Variants in TNFSF4 observed in about 807,000 individuals in gnomAD.
The protein encoded by TNFSF4 is TNF superfamily member 4.
A neutral mutation model predicts 7.3 loss-of-function variants in TNFSF4; 4 were observed. The ratio of observed to expected loss-of-function variants is 0.55; its 90% CI spans 0.27 to 1.25. TNFSF4 has a LOEUF of 1.25. TNFSF4 is among the 50% of genes most tolerant of loss of function. The probability of loss-of-function intolerance (pLI) is 0.12; values close to 1 mark genes in which losing one functional copy is unlikely to be tolerated. For missense variants in TNFSF4, 181 were observed against 208.8 expected (o/e 0.87, Z 0.82); for synonymous variants, 76 against 83.7 (o/e 0.91, Z 0.50).
chr1:173,217,730 C>T, the TNFSF4 span, among the ~76,000 whole-genome samples: 4 of 152,082 alleles, frequency 2.6e-5, no homozygotes, highest in African/African-American at 9.7e-5. Context: ...TTATCTGTTT[C>T]TTTCAATTTT....
the TNFSF4 span, among the ~76,000 whole-genome samples, chr1:173,308,285 C>CTCTCTGTG: frequency 0.038 from 5,070 of 134,858 alleles, 144 homozygotes; most frequent in Non-Finnish European, 0.056. Flanking sequence ...CTCTCTCTCT[C>CTCTCTGTG]TGTGTGTGTG....
At chr1:173,210,625 C>A, upstream of TNFSF4, among the ~76,000 whole-genome samples, 1 of 151,836 alleles carries the variant, frequency 6.6e-6, no homozygotes, top group Middle Eastern at 3.2e-3. Context: ...AGGTTTGAAG[C>A]AGAATGTGAT....
chr1:173,440,625 T>C, the TNFSF4 span: 1 of 152,184 alleles, frequency 6.6e-6, no homozygotes, highest in Admixed American at 6.5e-5. Context: ...CCTTTCTTAT[T>C]CATATAAGAA....
the TNFSF4 span, among the ~76,000 whole-genome samples, chr1:173,256,232 G>T: frequency 6.6e-6 from 1 of 152,116 alleles, no homozygotes; most frequent in South Asian, 2.1e-4. Context: ...TGCTTGGGCT[G>T]CTAAAGCAAA....
the TNFSF4 span, among the ~76,000 whole-genome samples, chr1:173,326,498 T>A: frequency 2.0e-5 from 3 of 152,014 alleles, no homozygotes. Context: ...TTCAACATAG[T>A]GTTGGAAGTT....
chr1:173,265,488 T>C, the TNFSF4 span, among the ~76,000 whole-genome samples: 2 of 152,228 alleles, frequency 1.3e-5, no homozygotes, highest in Admixed American at 6.5e-5. Flanking sequence ...GGCTATTTTA[T>C]GATCATATAT....
chr1:173,448,425 G>A, the TNFSF4 span, among the ~76,000 whole-genome samples: 9 of 152,186 alleles, frequency 5.9e-5, no homozygotes, highest in South Asian at 4.1e-4. Context: ...TTTCATGCGC[G>A]TCCATGTGAA....
chr1:173,326,518 G>A, the TNFSF4 span, among the ~76,000 whole-genome samples: 66 of 152,144 alleles, frequency 4.3e-4, no homozygotes, highest in African/African-American at 1.4e-3. Context: ...TCTGGCCAGG[G>A]CAATCAGGCA....
the TNFSF4 span, among the ~76,000 whole-genome samples, chr1:173,404,236 T>C: frequency 6.6e-6 from 1 of 152,056 alleles, no homozygotes. Flanking sequence ...AGATATGATA[T>C]CTCCTGGGAC....
the TNFSF4 span, among the ~76,000 whole-genome samples, chr1:173,402,693 T>C: frequency 1.1e-4 from 17 of 152,154 alleles, no homozygotes; most frequent in Non-Finnish European, 2.1e-4. Context: ...TCATATAGCT[T>C]AGGCACATGG....
At chr1:173,347,744 C>A in the TNFSF4 span, among the ~76,000 whole-genome samples, 1 of 152,194 alleles carries the variant, frequency 6.6e-6, no homozygotes, top group Non-Finnish European at 1.5e-5. Flanking sequence ...TAACTACTGG[C>A]AATGTAGGTC....
chr1:173,427,093 A>G, the TNFSF4 span, among the ~76,000 whole-genome samples: 1 of 152,204 alleles, frequency 6.6e-6, no homozygotes, highest in African/African-American at 2.4e-5. Flanking sequence ...TGTATTGTTT[A>G]AGCCACTACA....
At chr1:173,419,158 T>C in the TNFSF4 span, among the ~76,000 whole-genome samples, 2 of 151,826 alleles carry the variant, frequency 1.3e-5, no homozygotes, top group African/African-American at 4.8e-5. Flanking sequence ...GCTAACACGG[T>C]GAAACCCCAT....
chr1:173,245,061 T>G, the TNFSF4 span, among the ~76,000 whole-genome samples: 2 of 151,902 alleles, frequency 1.3e-5, no homozygotes, highest in East Asian at 3.9e-4. Context: ...ATTTTTCACT[T>G]CTACAGAAGA....
chr1:173,420,751 GTTAAT>G, the TNFSF4 span, among the ~76,000 whole-genome samples: 1 of 152,186 alleles, frequency 6.6e-6, no homozygotes, highest in Admixed American at 6.5e-5. Flanking sequence ...CTCCCAAGTT[GTTAAT>G]TATGTAATTA....
At chr1:173,275,087 G>A in the TNFSF4 span, among the ~76,000 whole-genome samples, 3 of 152,100 alleles carry the variant, frequency 2.0e-5, no homozygotes, top group Non-Finnish European at 4.4e-5. Context: ...TAGTTGGAAA[G>A]GAAACAACAA....
At chr1:173,288,171 C>T in the TNFSF4 span, among the ~76,000 whole-genome samples, 2 of 152,102 alleles carry the variant, frequency 1.3e-5, no homozygotes, top group Admixed American at 6.5e-5. Context: ...TAGCCAAGCA[C>T]GGGGTGGCTT....
the TNFSF4 span, chr1:173,417,895 C>T: frequency 6.6e-6 from 1 of 151,044 alleles, no homozygotes; most frequent in African/African-American, 2.4e-5. Flanking sequence ...AGGTGTATTA[C>T]CTTTTTAACT....
At chr1:173,216,678 T>C in the TNFSF4 span, among the ~76,000 whole-genome samples, 9 of 152,108 alleles carry the variant, frequency 5.9e-5, no homozygotes, top group Non-Finnish European at 1.2e-4. Context: ...TGTATACAGT[T>C]TGTTCACCCC....
Sources: gnomAD v4.1 joint callset for allele counts (sites outside exome capture counted in the v4.1 genomes callset) on GRCh38, gnomAD v4.1.1 for gene constraint, MANE v1.5 for transcripts, NCBI Gene and HGNC (gene_info 2026-07-23, HGNC 2026-07-21) for gene names.